CNTNAP4: variants seen among roughly 807,000 people sequenced by gnomAD.
CNTNAP4 encodes the protein contactin-associated protein-like 4.
CNTNAP4 carries 98 observed loss-of-function variants against 148.4 expected under a neutral mutation model. The ratio of observed to expected loss-of-function variants is 0.66; its 90% CI spans 0.56 to 0.78. The LOEUF (loss-of-function observed/expected upper bound fraction) is 0.78. Among genes scored for constraint, CNTNAP4 ranks in the 30% least tolerant of loss-of-function variants. The pLI is 0.00. For missense variants in CNTNAP4, 1,935 were observed against 1,565.6 expected (o/e 1.24, Z -3.98); for synonymous variants, 730 against 565.1 (o/e 1.29, Z -4.14).
At chr16:76,517,509 A>C (rs949725831) in intron 15 of CNTNAP4, among the ~76,000 whole-genome samples, 1 of 152,228 alleles carries the variant, frequency 6.6e-6, no homozygotes, top group South Asian at 2.1e-4. Flanking sequence ...TTGAATAGTG[A>C]ATGATTCCTT....
chr16:76,462,138 G>A (rs2080996509), intron 9 of CNTNAP4, 33 bp downstream of exon 9: 5 of 1,581,300 alleles, frequency 3.2e-6, no homozygotes, highest in Non-Finnish European at 4.3e-6. Context: ...ATGAGCAACT[G>A]AACCATATTT....
intron 21 of CNTNAP4, among the ~76,000 whole-genome samples, chr16:76,542,089 G>A (rs780284660): frequency 3.9e-5 from 6 of 152,178 alleles, no homozygotes; most frequent in Non-Finnish European, 8.8e-5. Context: ...AGATAAGACC[G>A]TGTGCACTCT....
intron 12 of CNTNAP4, among the ~76,000 whole-genome samples, chr16:76,480,432 A>G (rs1006369598): frequency 4.6e-5 from 7 of 152,228 alleles, no homozygotes; most frequent in African/African-American, 1.7e-4. Flanking sequence ...ACACCCTTTC[A>G]ATGAACTAAT....
chr16:76,317,205 A>G (rs1961852520), intron 2 of CNTNAP4, among the ~76,000 whole-genome samples: 1 of 142,276 alleles, frequency 7.0e-6, no homozygotes, highest in Non-Finnish European at 1.5e-5. Context: ...GTGAGCTATG[A>G]TTGTGCCACT....
rs373084519 is a variant in CNTNAP4, at chr16:76,538,158, A to G, written c.3038A>G (p.Asn1013Ser). 8.2e-6 allele frequency: 13 copies of G among 1,593,248 alleles called. No homozygotes were observed. In the African/African-American group the frequency reaches 1.5e-4, roughly 18 times the overall value. ...YFGSGSSVIY[N>S]FQENYLLSKN... ...GGATCTGGCTCATCCGTGATATACA[A>G]TTTTCAAGAAAATTATCTTTTAAGT... Residue 1013 changes from asparagine (N) to serine (S), a missense_variant, in exon 19 of 24, where the codon AAT becomes AGT. Physicochemically the swap from Asn to Ser is conservative, Grantham distance 46. Coordinates refer to ENST00000611870, the MANE Select transcript of CNTNAP4 (RefSeq NM_033401.5).
intron 3 of CNTNAP4, among the ~76,000 whole-genome samples, chr16:76,365,333 C>G (rs2013980814): frequency 6.6e-6 from 1 of 152,116 alleles, no homozygotes; most frequent in South Asian, 2.1e-4. Flanking sequence ...TGTTCTTTTG[C>G]TTAGGATTAT....
At chr16:76,523,698 G>C (rs2083585689) in intron 17 of CNTNAP4, among the ~76,000 whole-genome samples, 1 of 152,158 alleles carries the variant, frequency 6.6e-6, no homozygotes, top group Non-Finnish European at 1.5e-5. Flanking sequence ...ACCAAGGTAG[G>C]AAGATTGCTT....
At chr16:76,374,399 G>A (rs1350377652) in intron 3 of CNTNAP4, among the ~76,000 whole-genome samples, 4 of 152,090 alleles carry the variant, frequency 2.6e-5, no homozygotes, top group Non-Finnish European at 4.4e-5. Context: ...ACTCTACCCT[G>A]AAATAATGTA....
intron 15 of CNTNAP4, among the ~76,000 whole-genome samples, chr16:76,518,527 A>G (rs2083336191): frequency 6.6e-6 from 1 of 152,152 alleles, no homozygotes; most frequent in Non-Finnish European, 1.5e-5. Context: ...ATTGTTATTT[A>G]AATTTTTTTC....
intron 3 of CNTNAP4, among the ~76,000 whole-genome samples, chr16:76,391,557 C>T (rs1024616722): frequency 2.0e-5 from 3 of 152,162 alleles, no homozygotes; most frequent in Non-Finnish European, 4.4e-5. Context: ...TGCTATTCAA[C>T]ATCTAATCAA....
chr16:76,296,345 T>G (rs1307196234), intron 1 of CNTNAP4, among the ~76,000 whole-genome samples: 2 of 152,176 alleles, frequency 1.3e-5, no homozygotes, highest in African/African-American at 4.8e-5. Flanking sequence ...ACTTAAATAG[T>G]AAAGATTAAA....
chr16:76,456,222 G>A (rs1019936395), intron 8 of CNTNAP4, among the ~76,000 whole-genome samples: 2 of 152,176 alleles, frequency 1.3e-5, no homozygotes, highest in African/African-American at 2.4e-5. Context: ...GGAAACCAAC[G>A]GTTGTCTGAA....
At position 76,535,684 on chromosome 16, in the gene CNTNAP4, T is replaced by C. The variant is rs1459077982; in HGVS notation, c.2895T>C (p.Tyr965=). 8 of 1,613,840 alleles carry C rather than the reference T, an allele frequency of 5.0e-6. No homozygotes were observed. Among genetic ancestry groups the C allele is most frequent in the Non-Finnish European group, 6.8e-6 (8 of 1,179,896 alleles). ...GTTGTAGGGGACATTGCAGCAGCTA[T>C]GGGAAGTTATGCCGCAATGGAGGGA... ...QPGCRGHCSS[Y]GKLCRNGGKC... Residue 965 remains tyrosine, a synonymous_variant, in exon 18 of 24, where the codon TAT becomes TAC. Transcript: ENST00000611870.
At position 76,537,215 on chromosome 16, in the gene CNTNAP4, A is replaced by ACATATTATAT. The variant is rs568065264; in HGVS notation, c.2996-900_2996-891dup. Among the ~76,000 whole-genome samples the ACATATTATAT allele has an allele frequency of 5.9e-3, 904 of 152,316 alleles. 4 individuals are homozygous for ACATATTATAT. Among genetic ancestry groups the ACATATTATAT allele is most frequent in the African/African-American group, 0.017 (718 of 41,578 alleles). On this transcript the variant is annotated intron_variant, in intron 18 of 23. Transcript: ENST00000611870. ...CAACCGTAAATGTTACTCTGTATGCACATATTATATTGAATATAAAATGCG... is the reference window on the plus strand; with the variant it reads ...CAACCGTAAATGTTACTCTGTATGCACATATTATATCATATTATATTGAATATAAAATGCG...
intron 3 of CNTNAP4, among the ~76,000 whole-genome samples, chr16:76,403,088 GGTTTT>G (rs1294028116): frequency 3.5e-3 from 525 of 150,734 alleles, no homozygotes; most frequent in African/African-American, 0.013. Context: ...GTTGTTGTTG[GGTTTT>G]ATTTTTTTTT....
intron 3 of CNTNAP4, among the ~76,000 whole-genome samples, chr16:76,376,270 C>T (rs2015404518): frequency 6.6e-6 from 1 of 152,126 alleles, no homozygotes; most frequent in South Asian, 2.1e-4. Flanking sequence ...GTAGATGTCT[C>T]ACTGAGTGCA....
chr16:76,484,310 G>C lies in CNTNAP4; in HGVS notation c.1882+4772G>C, dbSNP rs77978794. On this transcript the variant is annotated intron_variant, in intron 12 of 23. Transcript: ENST00000611870. ...AAAAAAAAAAAGACTGGAGTCACTGGAAGTATGCAGAGATTAAAGGTGCTT... is the reference window on the plus strand; with the variant it reads ...AAAAAAAAAAAGACTGGAGTCACTGCAAGTATGCAGAGATTAAAGGTGCTT... 9.3e-3 allele frequency among the ~76,000 whole-genome samples: 1,282 copies of C among 137,350 alleles called. 13 individuals are homozygous for C. The highest frequency in any genetic ancestry group is 0.029 in the African/African-American group (1,075 of 37,016). 90.1% of individuals were successfully genotyped at this position (137,350 alleles called of 152,430 possible). A position where few individuals can be genotyped will look rare whatever the true frequency, so the allele number is the denominator to read the frequency against.
At chr16:76,360,457 C>G (rs986732375) in intron 3 of CNTNAP4, among the ~76,000 whole-genome samples, 1 of 152,174 alleles carries the variant, frequency 6.6e-6, no homozygotes, top group African/African-American at 2.4e-5. Context: ...GTAGGTGACT[C>G]TCCTCCTTGT....
At chr16:76,399,050 C>G (rs566949817) in intron 3 of CNTNAP4, among the ~76,000 whole-genome samples, 100 of 152,186 alleles carry the variant, frequency 6.6e-4, no homozygotes, top group African/African-American at 2.2e-3. Flanking sequence ...AATTCCCCTG[C>G]GCAAGCTCTC....
Sources: gnomAD v4.1 joint callset for allele counts (sites outside exome capture counted in the v4.1 genomes callset) on GRCh38, gnomAD v4.1.1 for gene constraint, MANE v1.5 for transcripts, NCBI Gene and HGNC (gene_info 2026-07-23, HGNC 2026-07-21) for gene names.